SAE1: variants seen among roughly 807,000 people sequenced by gnomAD.
The protein encoded by SAE1 is SUMO1 activating enzyme subunit 1.
SAE1 carries 11 observed loss-of-function variants against 40.6 expected under a neutral mutation model. The ratio of observed to expected loss-of-function variants is 0.27; its 90% CI spans 0.17 to 0.45. The LOEUF is 0.45. Among genes scored for constraint, SAE1 ranks in the 20% least tolerant of loss-of-function variants. SAE1 has a pLI of 1.00. For missense variants in SAE1, 373 were observed against 427.3 expected (o/e 0.87, Z 1.12); for synonymous variants, 155 against 154.3 (o/e 1.00, Z -0.03).
chr19:47,141,909 C>T (rs528462255), intron 1 of SAE1, among the ~76,000 whole-genome samples: 5 of 152,222 alleles, frequency 3.3e-5, no homozygotes, highest in African/African-American at 1.2e-4. Context: ...GATGTAAAGT[C>T]TGTATTTCCT....
chr19:47,198,951 G>A (rs1049839785), intron 7 of SAE1, among the ~76,000 whole-genome samples: 4 of 152,124 alleles, frequency 2.6e-5, no homozygotes, highest in African/African-American at 4.8e-5. Context: ...ACTGGGCATC[G>A]ATGACTGGTG....
chr19:47,202,707 A>G (rs2058662361), intron 7 of SAE1, among the ~76,000 whole-genome samples: 1 of 149,500 alleles, frequency 6.7e-6, no homozygotes, highest in African/African-American at 2.4e-5. Context: ...AGGTCAAGAG[A>G]TTGAGACCAT....
chr19:47,176,377 A>G (rs966401583), intron 6 of SAE1, among the ~76,000 whole-genome samples: 2 of 152,242 alleles, frequency 1.3e-5, no homozygotes, highest in Non-Finnish European at 2.9e-5. Flanking sequence ...CCTAGTGGGG[A>G]CAAGGTGCTT....
intron 5 of SAE1, among the ~76,000 whole-genome samples, chr19:47,157,889 G>C (rs1600167564): frequency 6.6e-6 from 1 of 152,158 alleles, no homozygotes; most frequent in Admixed American, 6.6e-5. Context: ...CTCACCAAGG[G>C]CCCTGCGGAC....
chr19:47,197,439 C>G, intron 7 of SAE1, 62 bp downstream of exon 7: 3 of 1,456,884 alleles, frequency 2.1e-6, no homozygotes, highest in East Asian at 2.4e-5. Flanking sequence ...CAGGATTTGC[C>G]TTAATTTGAC....
intron 5 of SAE1, among the ~76,000 whole-genome samples, chr19:47,158,330 G>C (rs763930436): frequency 1.3e-5 from 2 of 152,084 alleles, no homozygotes; most frequent in Non-Finnish European, 2.9e-5. Flanking sequence ...GATAAATAAG[G>C]GCTTAGGAAA....
chr19:47,150,994 C>T (rs1265991078), intron 3 of SAE1, among the ~76,000 whole-genome samples: 1 of 152,190 alleles, frequency 6.6e-6, no homozygotes, highest in Admixed American at 6.6e-5. Context: ...TTGTCAATAT[C>T]TGCAACCTTT....
At chr19:47,189,398 A>G (rs2058564905) in intron 6 of SAE1, among the ~76,000 whole-genome samples, 1 of 152,088 alleles carries the variant, frequency 6.6e-6, no homozygotes, top group African/African-American at 2.4e-5. Flanking sequence ...TCTACTAAAA[A>G]ATATGTATAT....
chr19:47,194,407 T>C (rs533846938), intron 6 of SAE1, among the ~76,000 whole-genome samples: 1 of 152,350 alleles, frequency 6.6e-6, no homozygotes, highest in African/African-American at 2.4e-5. Flanking sequence ...TAGGAACCCT[T>C]GTCCTGGTAG....
At chr19:47,145,619 C>T (rs573771485) in intron 2 of SAE1, among the ~76,000 whole-genome samples, 2 of 151,908 alleles carry the variant, frequency 1.3e-5, no homozygotes, top group African/African-American at 2.4e-5. Flanking sequence ...CTTACTCTGT[C>T]GCCCAGGCTG....
chr19:47,135,355 C>G (rs1310740240), intron 1 of SAE1, among the ~76,000 whole-genome samples: 3 of 152,070 alleles, frequency 2.0e-5, no homozygotes, highest in Non-Finnish European at 4.4e-5. Context: ...CTCTGGTAAC[C>G]CTCAGTCTAC....
chr19:47,195,693 G>A (rs1351730088), intron 6 of SAE1, among the ~76,000 whole-genome samples: 7 of 143,186 alleles, frequency 4.9e-5, no homozygotes, highest in Non-Finnish European at 9.2e-5. Context: ...CTTCCCCTTC[G>A]CTTCTTCCTT....
intron 6 of SAE1, among the ~76,000 whole-genome samples, chr19:47,181,368 TTAGA>T (rs1260642850): frequency 6.6e-6 from 1 of 151,882 alleles, no homozygotes; most frequent in Non-Finnish European, 1.5e-5. Flanking sequence ...GGTCTGTAGG[TTAGA>T]TAGCAGTACT....
intron 5 of SAE1, among the ~76,000 whole-genome samples, chr19:47,156,445 C>T (rs1241255576): frequency 2.0e-5 from 3 of 151,738 alleles, no homozygotes; most frequent in Admixed American, 2.0e-4. Flanking sequence ...CAACACTGCA[C>T]TCCAGCCTGG....
intron 6 of SAE1, among the ~76,000 whole-genome samples, chr19:47,181,411 T>C (rs2058505132): frequency 6.6e-6 from 1 of 152,060 alleles, no homozygotes; most frequent in Admixed American, 6.6e-5. Context: ...TTTACAGTTA[T>C]GATAATTGTC....
At chr19:47,149,010 G>A (rs2058270778) in intron 2 of SAE1, among the ~76,000 whole-genome samples, 1 of 151,726 alleles carries the variant, frequency 6.6e-6, no homozygotes, top group Admixed American at 6.6e-5. Flanking sequence ...TTTCTCATGA[G>A]GTTGCAATTT....
At chr19:47,151,964 G>T (rs555599668) in intron 3 of SAE1, among the ~76,000 whole-genome samples, 37 of 152,324 alleles carry the variant, frequency 2.4e-4, no homozygotes, top group African/African-American at 8.9e-4. Context: ...TCAATTGGTT[G>T]CATGTTCACC....
chr19:47,189,138 T>C (rs550741343), intron 6 of SAE1, among the ~76,000 whole-genome samples: 19 of 152,166 alleles, frequency 1.2e-4, no homozygotes, highest in Non-Finnish European at 2.6e-4. Context: ...GGCTTTGCCT[T>C]AGGAAACAGG....
intron 1 of SAE1, among the ~76,000 whole-genome samples, chr19:47,131,971 G>A (rs751210868): frequency 6.3e-4 from 96 of 151,870 alleles, no homozygotes; most frequent in Non-Finnish European, 1.2e-3. Context: ...GAAGTGCTGG[G>A]ATTACAGGAG....
Sources: gnomAD v4.1 joint callset for allele counts (sites outside exome capture counted in the v4.1 genomes callset) on GRCh38, gnomAD v4.1.1 for gene constraint, MANE v1.5 for transcripts, NCBI Gene and HGNC (gene_info 2026-07-23, HGNC 2026-07-21) for gene names.